TBC1D5: variants seen among roughly 807,000 people sequenced by gnomAD.
TBC1D5 encodes TBC1 domain family, member 5.
A neutral mutation model predicts 100.3 loss-of-function variants in TBC1D5; 75 were observed. The ratio of observed to expected loss-of-function variants is 0.75; its 90% CI spans 0.62 to 0.91. The LOEUF (loss-of-function observed/expected upper bound fraction) is 0.91. TBC1D5 is among the 40% of genes least tolerant of loss of function. The pLI is 0.00. For synonymous variants in TBC1D5, 323 were observed against 325.6 expected (o/e 0.99, Z 0.09); for missense variants, 910 against 942.4 (o/e 0.97, Z 0.45).
At chr3:17,396,516 C>T (rs1018869106) in intron 8 of TBC1D5, among the ~76,000 whole-genome samples, 11 of 151,526 alleles carry the variant, frequency 7.3e-5, no homozygotes, top group Non-Finnish European at 1.6e-4. Flanking sequence ...TAAAGTGTGA[C>T]ATCAATGGAC....
intron 1 of TBC1D5, among the ~76,000 whole-genome samples, chr3:17,700,368 T>C (rs1176059699): frequency 2.0e-5 from 3 of 152,074 alleles, no homozygotes; most frequent in Admixed American, 6.5e-5. Context: ...CCTAAAACCA[T>C]AAAAACCCTA....
chr3:17,729,694 G>C (rs770244241), intron 1 of TBC1D5, among the ~76,000 whole-genome samples: 14 of 151,848 alleles, frequency 9.2e-5, no homozygotes, highest in Non-Finnish European at 1.5e-5. Flanking sequence ...GAGACAGAGC[G>C]AGACTGTCTC....
intron 2 of TBC1D5, among the ~76,000 whole-genome samples, chr3:17,544,650 G>GAAAAAAAAAAAAAAAAA (rs11294217): frequency 8.1e-5 from 7 of 86,258 alleles, no homozygotes; most frequent in African/African-American, 2.6e-4. Context: ...GACTCCGTCT[G>GAAAAAAAAAAAAAAAAA]AAAAAAAAAA....
chr3:17,539,990 G>A lies in TBC1D5; in HGVS notation c.-35-31385C>T, dbSNP rs556637173. Among the ~76,000 whole-genome samples, 8 of 152,194 alleles carry A rather than the reference G, an allele frequency of 5.3e-5. No homozygotes were observed. The East Asian group carries it at 9.6e-4, about 18-fold the overall frequency. On this transcript the variant is annotated intron_variant, in intron 2 of 21. Transcript: ENST00000253692. Reference sequence around the variant, plus strand: ...GCACAAGGGTTCCAATTTTTTCCACGTCCTCACCAAAACATATTATTGTTT... The same window carrying A: ...GCACAAGGGTTCCAATTTTTTCCACATCCTCACCAAAACATATTATTGTTT...
intron 2 of TBC1D5, among the ~76,000 whole-genome samples, chr3:17,601,776 G>A (rs933713739): frequency 5.9e-5 from 9 of 152,142 alleles, no homozygotes; most frequent in African/African-American, 2.2e-4. Context: ...AGAAATGTAG[G>A]CATTGTTAAG....
At chr3:17,657,373 G>A (rs2066187483) in intron 1 of TBC1D5, among the ~76,000 whole-genome samples, 1 of 128,778 alleles carries the variant, frequency 7.8e-6, no homozygotes, top group South Asian at 2.4e-4. Context: ...GTCTCACTCT[G>A]TCGCGAGGCT....
At chr3:17,163,763 C>T (rs572301273) in intron 21 of TBC1D5, among the ~76,000 whole-genome samples, 2 of 152,196 alleles carry the variant, frequency 1.3e-5, no homozygotes, top group African/African-American at 2.4e-5. Context: ...CAGCCCCTAG[C>T]CACAGGTGGA....
chr3:17,613,933 T>G (rs1226212252), intron 2 of TBC1D5, among the ~76,000 whole-genome samples: 1 of 152,242 alleles, frequency 6.6e-6, no homozygotes, highest in East Asian at 1.9e-4. Flanking sequence ...GCCATTGCTT[T>G]TGGTGTTTCA....
intron 8 of TBC1D5, among the ~76,000 whole-genome samples, chr3:17,402,599 C>T (rs994699265): frequency 5.9e-5 from 9 of 152,204 alleles, no homozygotes; most frequent in South Asian, 2.1e-4. Context: ...AGTTACGACT[C>T]TATGATCTTC....
intron 1 of TBC1D5, among the ~76,000 whole-genome samples, chr3:17,652,262 C>T (rs2065650861): frequency 1.3e-5 from 2 of 152,206 alleles, no homozygotes; most frequent in African/African-American, 4.8e-5. Context: ...ATCTTTCTTC[C>T]TTTCTCTACC....
At chr3:17,660,346 T>C (rs1362990832) in intron 1 of TBC1D5, among the ~76,000 whole-genome samples, 1 of 152,132 alleles carries the variant, frequency 6.6e-6, no homozygotes, top group Non-Finnish European at 1.5e-5. Context: ...ACCTTTCCCC[T>C]CCCATAACTC....
chr3:17,359,938 CT>C (rs921393606), intron 13 of TBC1D5, among the ~76,000 whole-genome samples: 1 of 151,902 alleles, frequency 6.6e-6, no homozygotes, highest in African/African-American at 2.4e-5. Context: ...TAAAGATTAA[CT>C]TAATTCTAGG....
At chr3:17,394,859 C>A (rs1643542068) in intron 8 of TBC1D5, among the ~76,000 whole-genome samples, 1 of 151,524 alleles carries the variant, frequency 6.6e-6, no homozygotes, top group African/African-American at 2.4e-5. Context: ...GTTCTGCTTT[C>A]TTTAATTTAT....
chr3:17,502,363 G>A (rs759087692), intron 3 of TBC1D5, among the ~76,000 whole-genome samples: 1 of 149,492 alleles, frequency 6.7e-6, no homozygotes, highest in South Asian at 2.1e-4. Context: ...TGGCAGTTTT[G>A]CTCATTCTCC....
At chr3:17,216,338 G>A (rs1337542337) in intron 17 of TBC1D5, among the ~76,000 whole-genome samples, 2 of 152,016 alleles carry the variant, frequency 1.3e-5, no homozygotes, top group Non-Finnish European at 2.9e-5. Flanking sequence ...CCTTTAATAG[G>A]AAATCTTGCC....
intron 2 of TBC1D5, among the ~76,000 whole-genome samples, chr3:17,570,782 AGTT>A (rs1414835053): frequency 6.6e-6 from 1 of 152,018 alleles, no homozygotes; most frequent in African/African-American, 2.4e-5. Context: ...ATGTCGATAC[AGTT>A]GTTCATCCTT....
chr3:17,427,972 C>T (rs1355839964), intron 4 of TBC1D5, among the ~76,000 whole-genome samples: 1 of 151,774 alleles, frequency 6.6e-6, no homozygotes. Context: ...AGTAATAGCC[C>T]TGTTTGCTGA....
intron 14 of TBC1D5, among the ~76,000 whole-genome samples, chr3:17,301,491 C>T (rs1429233552): frequency 2.6e-5 from 4 of 152,152 alleles, no homozygotes; most frequent in Non-Finnish European, 4.4e-5. Flanking sequence ...CTGGCATTAC[C>T]CCAAGTACTA....
chr3:17,437,402 G>A (rs1226695883), intron 3 of TBC1D5, among the ~76,000 whole-genome samples: 1 of 152,058 alleles, frequency 6.6e-6, no homozygotes, highest in Admixed American at 6.6e-5. Context: ...TGATGTCGTA[G>A]AAATATAACA....
Sources: gnomAD v4.1 joint callset for allele counts (sites outside exome capture counted in the v4.1 genomes callset) on GRCh38, gnomAD v4.1.1 for gene constraint, MANE v1.5 for transcripts, NCBI Gene and HGNC (gene_info 2026-07-23, HGNC 2026-07-21) for gene names.